RPH3AL: variants seen among roughly 807,000 people sequenced by gnomAD.
RPH3AL encodes rabphilin 3A like (without C2 domains).
RPH3AL carries 38 observed loss-of-function variants against 43.1 expected under a neutral mutation model. That is an observed-to-expected ratio of 0.88 (90% confidence interval 0.68 to 1.15). The LOEUF is 1.15. Ranked by LOEUF, RPH3AL falls within the 50% of genes most tolerant of loss-of-function variation. RPH3AL has a pLI of 0.00. For missense variants in RPH3AL, 462 were observed against 423.2 expected (o/e 1.09, Z -0.81); for synonymous variants, 189 against 176.3 (o/e 1.07, Z -0.57).
rs1418772410 is a variant in RPH3AL, at chr17:319,515, T to C, written c.256A>G (p.Asn86Asp). The change falls in exon 5 of 10, where the codon AAT becomes GAT. Residue 86 changes from asparagine (N) to aspartate (D), a missense_variant. Coordinates refer to ENST00000331302, the MANE Select transcript of RPH3AL (RefSeq NM_006987.4). ...TGGGACAGGCCGTTCCCCATCACAT[T>C]CCGCCTCATGGTCTCCAGCCGCTCC... ...LVERLETMRRNVMGNGLSQCL... is the reference protein window; with the variant it reads ...LVERLETMRRDVMGNGLSQCL... 4 of 1,611,776 alleles carry C rather than the reference T, an allele frequency of 2.5e-6. No individual in the cohort carries two copies. Among genetic ancestry groups the C allele is most frequent in the Admixed American group, 3.3e-5 (2 of 59,964 alleles).
intron 5 of RPH3AL, among the ~76,000 whole-genome samples, chr17:307,315 ACGGC>A (rs1567634057): frequency 2.4e-5 from 3 of 123,004 alleles, no homozygotes; most frequent in Non-Finnish European, 5.0e-5. Context: ...GGTCCTCCCC[ACGGC>A]AGGTCCTCCC....
In RPH3AL at chr17:244,503, G is replaced by A. The variant is rs375319542; in HGVS notation, c.613+2608C>T. On this transcript the variant is annotated intron_variant, in intron 7 of 9. Coordinates refer to ENST00000331302, the MANE Select transcript of RPH3AL (RefSeq NM_006987.4). ...AGGCTTAGAGAGAGGCTGAGAGAGCGAGCAAGCTGGTGCTGTGATCAGCTC... is the reference window on the plus strand; with the variant it reads ...AGGCTTAGAGAGAGGCTGAGAGAGCAAGCAAGCTGGTGCTGTGATCAGCTC... Among the ~76,000 whole-genome samples, 90 of 152,226 alleles carry A rather than the reference G, an allele frequency of 5.9e-4. No homozygotes were observed. In the South Asian group the frequency reaches 0.018, roughly 30 times the overall value.
chr17:246,837 G>C lies in RPH3AL; in HGVS notation c.613+274C>G, dbSNP rs1007781835. Among the ~76,000 whole-genome samples, 1 of 152,234 alleles carries C rather than the reference G, an allele frequency of 6.6e-6. No individual in the cohort carries two copies. Among genetic ancestry groups the C allele is most frequent in the Non-Finnish European group, 1.5e-5 (1 of 68,044 alleles). ...GTGAAGATGCGTAGTGCTGCTCATGGCATCCTTGCCCCCAGAGCAGTACTT... is the reference window on the plus strand; with the variant it reads ...GTGAAGATGCGTAGTGCTGCTCATGCCATCCTTGCCCCCAGAGCAGTACTT... On this transcript the variant is annotated intron_variant, in intron 7 of 9. Transcript: ENST00000331302. This position sits in a 1 kb window ranked among gnomAD's most constrained non-coding sequence, Gnocchi z 4.8.
intron 5 of RPH3AL, among the ~76,000 whole-genome samples, chr17:297,004 G>A (rs1459382063): frequency 1.3e-5 from 2 of 152,156 alleles, no homozygotes; most frequent in Non-Finnish European, 2.9e-5. Context: ...GGGGGTGAGT[G>A]AGGACTGGAA....
Position 225,113 on chromosome 17 carries a change from TG to T in RPH3AL, c.614-5378del, listed in dbSNP as rs140588598. 1.7e-5 allele frequency among the ~76,000 whole-genome samples: 2 copies of T among 119,578 alleles called. No individual in the cohort carries two copies. The highest frequency in any genetic ancestry group is 5.4e-5 in the African/African-American group (2 of 37,230). The allele number at this position is 119,578 out of a possible 152,430, so 78.4% of individuals were successfully genotyped here. A position where few individuals can be genotyped will look rare whatever the true frequency, so the allele number is the denominator to read the frequency against. On this transcript the variant is annotated intron_variant, in intron 7 of 9. Transcript: ENST00000331302. This position sits in a 1 kb window ranked among gnomAD's most constrained non-coding sequence, Gnocchi z 4.4. Reference sequence around the variant, plus strand: ...ATGTACCCTAGAACTTAAAATATAATGGAAAAAAAAAAAAAAAGAGTGATGA... The same window carrying T: ...ATGTACCCTAGAACTTAAAATATAATGAAAAAAAAAAAAAAAGAGTGATGA...
At chr17:219,814 G>A (rs2040912746) in intron 7 of RPH3AL, 78 bp from the exon 8 acceptor site, 2 of 1,054,148 alleles carry the variant, frequency 1.9e-6, no homozygotes, top group Admixed American at 1.7e-5. Context: ...GACGAGGGCA[G>A]GCCTCCCCAG....
chr17:216,245 C>T (rs917792017), intron 8 of RPH3AL, among the ~76,000 whole-genome samples: 1 of 151,678 alleles, frequency 6.6e-6, no homozygotes, highest in East Asian at 2.0e-4. Context: ...CCTGACCTCA[C>T]CCACATGGCT....
Position 242,849 on chromosome 17 carries a change from A to C in RPH3AL, c.613+4262T>G, listed in dbSNP as rs1187598050. On this transcript the variant is annotated intron_variant, in intron 7 of 9. Transcript: ENST00000331302. ...ATTGATTACCCTTCCTCTATTGATT[A>C]CCTTCCTCTATTGATTACCCTTCCT... Among the ~76,000 whole-genome samples the C allele has an allele frequency of 9.0e-4, 76 of 84,660 alleles. 2 individuals are homozygous for C. The highest frequency in any genetic ancestry group is 1.6e-3 in the Non-Finnish European group (62 of 39,818). The allele number at this position is 84,660 out of a possible 152,430, so 55.5% of individuals were successfully genotyped here.
intron 5 of RPH3AL, among the ~76,000 whole-genome samples, chr17:286,777 C>G (rs1288127049): frequency 6.6e-6 from 1 of 152,168 alleles, no homozygotes; most frequent in Non-Finnish European, 1.5e-5. Context: ...CCAGGGCAAG[C>G]GAGTCCTGGC....
At chr17:268,979 C>G (rs566460996) in intron 6 of RPH3AL, among the ~76,000 whole-genome samples, 1 of 152,038 alleles carries the variant, frequency 6.6e-6, no homozygotes, top group African/African-American at 2.4e-5. Context: ...CCCGGGTTCA[C>G]GCCATTCTCC....
At chr17:315,702 T>C (rs576349314) in intron 5 of RPH3AL, among the ~76,000 whole-genome samples, 963 of 116,838 alleles carry the variant, frequency 8.2e-3, no homozygotes, top group African/African-American at 0.021. Flanking sequence ...TCCATTGACC[T>C]GTAGTCCTTG....
chr17:304,923 C>CACAGGGCGAGAGGGGG (rs1176108500), intron 5 of RPH3AL, among the ~76,000 whole-genome samples: 2 of 94,646 alleles, frequency 2.1e-5, no homozygotes, highest in African/African-American at 7.1e-5. Context: ...GCAAGAGAGG[C>CACAGGGCGAGAGGGGG]ACAGGGCGAG....
chr17:213,905 G>A lies in RPH3AL; in HGVS notation c.895C>T (p.Arg299Ter), dbSNP rs753137177. ...RRAPVKDTPG[R>*]APAADAAPAG... ...GGAGCTGCGTCAGCAGCGGGGGCTC[G>A]TCCAGGTGTGTCTTTTACCTTTGGA... is the stretch of plus-strand genomic sequence containing the variant. Residue 299 changes from arginine (R) to a stop codon, truncating the protein, a stop_gained, in exon 10 of 10, where the codon CGA becomes TGA. Coordinates refer to ENST00000331302, the MANE Select transcript of RPH3AL (RefSeq NM_006987.4). LOFTEE classifies it high-confidence loss of function. 1.5e-5 allele frequency: 24 copies of A among 1,613,194 alleles called. No individual in the cohort carries two copies. The highest frequency in any genetic ancestry group is 8.4e-5 in the Admixed American group (5 of 59,860).
At chr17:348,713 A>T (rs986199506) in intron 1 of RPH3AL, among the ~76,000 whole-genome samples, 3 of 152,110 alleles carry the variant, frequency 2.0e-5, no homozygotes, top group African/African-American at 7.2e-5. Context: ...GACTAATCAC[A>T]GGCGCCCATC....
chr17:288,375 A>T (rs1202079976), intron 5 of RPH3AL, among the ~76,000 whole-genome samples: 1 of 1,988 alleles, frequency 5.0e-4, no homozygotes. Context: ...CAGACCTCGC[A>T]CCCTCTCTCC....
chr17:347,735 C>T lies in RPH3AL; in HGVS notation c.-213+4977G>A, dbSNP rs375496941. ...TGAACAGTTATCTCTATTCAAGAAC[C>T]GGCACACTCATGTTGACTAAATATT... On this transcript the variant is annotated intron_variant, in intron 1 of 9. Coordinates refer to ENST00000331302, the MANE Select transcript of RPH3AL (RefSeq NM_006987.4). Among the ~76,000 whole-genome samples, 39 of 152,236 alleles carry T rather than the reference C, an allele frequency of 2.6e-4. No individual in the cohort carries two copies. The South Asian group carries it at 3.1e-3, about 12-fold the overall frequency.
rs572712238 is a variant in RPH3AL at position 216,685 on chromosome 17, A to G, written c.728-883T>C. 3.9e-4 allele frequency among the ~76,000 whole-genome samples: 60 copies of G among 152,194 alleles called. 2 individuals are homozygous for G. The South Asian group carries it at 0.012, about 30-fold the overall frequency. ...TATACTCTTCTAAATTTTCTCTAGA[A>G]TCTTCAGCCTGATGGAGCCTGGGAA... is the stretch of plus-strand genomic sequence containing the variant. On this transcript the variant is annotated intron_variant, in intron 8 of 9. Transcript: ENST00000331302.
intron 5 of RPH3AL, among the ~76,000 whole-genome samples, chr17:293,099 T>G (rs1209990015): frequency 6.6e-6 from 1 of 151,880 alleles, no homozygotes; most frequent in Non-Finnish European, 1.5e-5. Flanking sequence ...GCCCTTCCCC[T>G]CCATCGGAAG....
chr17:296,823 G>A (rs575971774), intron 5 of RPH3AL, among the ~76,000 whole-genome samples: 10 of 152,350 alleles, frequency 6.6e-5, no homozygotes, highest in South Asian at 2.1e-4. Flanking sequence ...GTTTTGAAAC[G>A]TGGATCAATG....
Sources: allele counts gnomAD v4.1 joint callset (sites outside exome capture counted in the v4.1 genomes callset), GRCh38; gene constraint gnomAD v4.1.1; non-coding constraint Gnocchi (gnomAD v3.1); transcripts MANE v1.5; gene names NCBI Gene and HGNC (gene_info 2026-07-23, HGNC 2026-07-21).